PABPC4L: variants seen among roughly 807,000 people sequenced by gnomAD.
The protein encoded by PABPC4L is polyadenylate-binding protein 4-like.
For synonymous variants in PABPC4L, 169 were observed against 164.1 expected (o/e 1.03, Z -0.23); for missense variants, 452 against 451.4 (o/e 1.00, Z -0.01).
the PABPC4L span, among the ~76,000 whole-genome samples, chr4:134,152,795 T>C: frequency 1.3e-5 from 2 of 152,174 alleles, no homozygotes; most frequent in Non-Finnish European, 2.9e-5. Flanking sequence ...AGGTTTTATT[T>C]GGCTGACACT....
At chr4:134,180,375 G>C in the PABPC4L span, among the ~76,000 whole-genome samples, 2 of 151,884 alleles carry the variant, frequency 1.3e-5, no homozygotes, top group East Asian at 1.9e-4. Context: ...AGAATCTCTA[G>C]TACAAAGCCA....
At chr4:134,182,744 T>C in the PABPC4L span, among the ~76,000 whole-genome samples, 1,855 of 151,680 alleles carry the variant, frequency 0.012, 44 homozygotes, top group African/African-American at 0.043. Context: ...ATAAATAATG[T>C]AAACAAATTT....
the PABPC4L span, among the ~76,000 whole-genome samples, chr4:134,182,691 T>C: frequency 6.6e-6 from 1 of 151,830 alleles, no homozygotes; most frequent in African/African-American, 2.4e-5. Context: ...GGAGAAAATA[T>C]TTGCAAACTA....
At chr4:134,079,592 A>AAAAAAT in the PABPC4L span, among the ~76,000 whole-genome samples, 1 of 42,164 alleles carries the variant, frequency 2.4e-5, no homozygotes, top group Non-Finnish European at 4.4e-5. Context: ...AAAAAAAAAA[A>AAAAAAT]AAAAAAAAAA....
chr4:133,995,756 C>T, the PABPC4L span, among the ~76,000 whole-genome samples: 6 of 152,088 alleles, frequency 3.9e-5, no homozygotes, highest in African/African-American at 7.2e-5. Context: ...ACGTCTCGCC[C>T]GGCCACTTGA....
chr4:134,178,864 T>C, the PABPC4L span, among the ~76,000 whole-genome samples: 1 of 151,936 alleles, frequency 6.6e-6, no homozygotes, highest in Non-Finnish European at 1.5e-5. Flanking sequence ...CAATAAAGAC[T>C]GAATAAAACA....
chr4:134,098,577 A>C, the PABPC4L span, among the ~76,000 whole-genome samples: 2 of 151,790 alleles, frequency 1.3e-5, no homozygotes, highest in Non-Finnish European at 2.9e-5. Context: ...ATTGTCAAGC[A>C]TTTAGTTATA....
At chr4:134,035,470 A>C in the PABPC4L span, among the ~76,000 whole-genome samples, 1 of 152,162 alleles carries the variant, frequency 6.6e-6, no homozygotes. Context: ...TTAAATTATA[A>C]AAATTATTAA....
At chr4:134,185,963 C>G in the PABPC4L span, among the ~76,000 whole-genome samples, 5 of 151,928 alleles carry the variant, frequency 3.3e-5, no homozygotes, top group Non-Finnish European at 7.4e-5. Context: ...AAAATACCTA[C>G]GAATCCAACT....
At chr4:133,949,321 A>G in the PABPC4L span, among the ~76,000 whole-genome samples, 1 of 152,158 alleles carries the variant, frequency 6.6e-6, no homozygotes, top group African/African-American at 2.4e-5. Context: ...GTGACTTGGC[A>G]GGCATCAAAC....
the PABPC4L span, among the ~76,000 whole-genome samples, chr4:133,976,261 T>A: frequency 1.3e-5 from 2 of 152,156 alleles, no homozygotes; most frequent in Non-Finnish European, 2.9e-5. Context: ...TCAGCTCCAT[T>A]CACGTCCCTG....
At chr4:134,183,856 A>G in the PABPC4L span, among the ~76,000 whole-genome samples, 1 of 151,774 alleles carries the variant, frequency 6.6e-6, no homozygotes, top group Non-Finnish European at 1.5e-5. Flanking sequence ...AAGGATTTTA[A>G]TTCTCCTTAA....
At chr4:134,025,506 T>A in the PABPC4L span, among the ~76,000 whole-genome samples, 1 of 152,148 alleles carries the variant, frequency 6.6e-6, no homozygotes, top group Non-Finnish European at 1.5e-5. Context: ...CAGTGAATAG[T>A]TTATCTAATA....
At chr4:134,109,000 T>C in the PABPC4L span, among the ~76,000 whole-genome samples, 1 of 151,940 alleles carries the variant, frequency 6.6e-6, no homozygotes, top group African/African-American at 2.4e-5. Flanking sequence ...TAAATAAACA[T>C]TCATGCCAGG....
the PABPC4L span, among the ~76,000 whole-genome samples, chr4:134,052,064 A>G: frequency 6.6e-6 from 1 of 152,232 alleles, no homozygotes; most frequent in South Asian, 2.1e-4. Context: ...TACACAGGCT[A>G]CTTGGCTGTG....
chr4:134,018,919 T>A, the PABPC4L span, among the ~76,000 whole-genome samples: 2 of 152,158 alleles, frequency 1.3e-5, no homozygotes, highest in Non-Finnish European at 2.9e-5. Flanking sequence ...AGTGGTATTC[T>A]CCTTTCAATA....
chr4:134,186,646 A>T, the PABPC4L span, among the ~76,000 whole-genome samples: 1 of 152,104 alleles, frequency 6.6e-6, no homozygotes, highest in South Asian at 2.1e-4. Flanking sequence ...GGACTTCATG[A>T]CTAAAACACC....
the PABPC4L span, among the ~76,000 whole-genome samples, chr4:134,165,865 C>T: frequency 3.9e-4 from 59 of 152,164 alleles, no homozygotes; most frequent in Middle Eastern, 0.014. Context: ...TTCACAATTG[C>T]GTTAGTGACC....
the PABPC4L span, among the ~76,000 whole-genome samples, chr4:134,171,148 C>T: frequency 1.3e-5 from 2 of 151,990 alleles, no homozygotes; most frequent in African/African-American, 4.8e-5. Flanking sequence ...TCTTTTTTGG[C>T]TCTGTCAGCA....
Sources: gnomAD v4.1 joint callset for allele counts (sites outside exome capture counted in the v4.1 genomes callset) on GRCh38, gnomAD v4.1.1 for gene constraint, MANE v1.5 for transcripts, NCBI Gene and HGNC (gene_info 2026-07-23, HGNC 2026-07-21) for gene names.